SLC8B1: variants seen among roughly 807,000 people sequenced by gnomAD.
SLC8B1 encodes the protein mitochondrial sodium/calcium exchanger protein.
In SLC8B1, 52 loss-of-function variants were observed where a neutral mutation model predicts 63.4. The ratio of observed to expected loss-of-function variants is 0.82; its 90% CI spans 0.66 to 1.03. The LOEUF is 1.03. SLC8B1 is among the 50% of genes least tolerant of loss of function. The pLI, the probability that SLC8B1 is intolerant of heterozygous loss-of-function variation, is 0.00. For missense variants in SLC8B1, 657 were observed against 741.7 expected, an observed-to-expected ratio of 0.89 and a Z score of 1.33; for synonymous variants, 336 against 323.9, an observed-to-expected ratio of 1.04 and a Z score of -0.40.
intron 13 of SLC8B1, among the ~76,000 whole-genome samples, chr12:113,307,303 T>C (rs1410177982): frequency 6.6e-6 from 1 of 151,982 alleles, no homozygotes; most frequent in African/African-American, 2.4e-5. Flanking sequence ...GAGCAGTGCA[T>C]AACCTGGCCA....
At chr12:113,315,306 T>G (rs1188406589) in intron 11 of SLC8B1, 29 bp downstream of exon 11, 1 of 1,490,498 alleles carries the variant, frequency 6.7e-7, no homozygotes, top group African/African-American at 1.4e-5. Flanking sequence ...AGTAGGAAGG[T>G]GGGTTGGCCC....
At chr12:113,323,975 T>A (rs1157907649) in intron 2 of SLC8B1, among the ~76,000 whole-genome samples, 1 of 152,142 alleles carries the variant, frequency 6.6e-6, no homozygotes, top group East Asian at 1.9e-4. Context: ...CCCTCAATCT[T>A]TCTACAGTGT....
chr12:113,321,267 A>G lies in SLC8B1; in HGVS notation c.238T>C (p.Tyr80His). The G allele has an allele frequency of 6.2e-7, 1 of 1,613,976 alleles. No individual in the cohort carries two copies. Among genetic ancestry groups the G allele is most frequent in the South Asian group, 1.1e-5 (1 of 91,060 alleles). ...AAGATGCCTTCCAGGTAGTCCAGGT[A>G]CCCCCCATCACTGTGGCAGTCAGGG... ...TNPDCHSDGGYLDYLEGIFCH... is the reference protein window; with the variant it reads ...TNPDCHSDGGHLDYLEGIFCH... The change falls in exon 3 of 16, where the codon TAC (tyrosine) becomes CAC (histidine). Residue 80 changes from tyrosine to histidine, a missense_variant. Physicochemically the swap from Tyr to His is moderately conservative, Grantham distance 83. Transcript: ENST00000680972.
intron 15 of SLC8B1, among the ~76,000 whole-genome samples, chr12:113,300,955 G>A (rs1415379974): frequency 3.3e-5 from 5 of 152,142 alleles, no homozygotes; most frequent in Non-Finnish European, 7.3e-5. Flanking sequence ...GACCAACATG[G>A]TGAAACCCCG....
At chr12:113,300,850 G>A (rs185150925) in intron 15 of SLC8B1, among the ~76,000 whole-genome samples, 2 of 152,292 alleles carry the variant, frequency 1.3e-5, no homozygotes, top group Admixed American at 6.5e-5. Context: ...ATATGGATGC[G>A]TTAGGCCGGG....
In SLC8B1 at chr12:113,310,254, G is replaced by A; in HGVS notation, c.1237C>T (p.Gln413Ter). The change falls in exon 12 of 16, where the codon CAG becomes TAG. Residue 413 changes from glutamine to a stop codon, truncating the protein, a stop_gained. Transcript: ENST00000680972. LOFTEE classifies it high-confidence loss of function. ...CTTACCCAGTGAAGCCTGGGGGGCT[G>A]GCTGTCAGATGTGGCAAAAAAGGTC... ...SVTFFATSDS[Q>*]PPRLHWLFAF... 6.2e-7 allele frequency: 1 copy of A among 1,613,990 alleles called. No individual in the cohort carries two copies.
intron 11 of SLC8B1, among the ~76,000 whole-genome samples, chr12:113,314,340 A>C (rs1956805278): frequency 6.6e-6 from 1 of 152,166 alleles, no homozygotes; most frequent in Non-Finnish European, 1.5e-5. Context: ...AGCACACAAC[A>C]CCATGCCCAG....
Position 113,313,597 on chromosome 12 carries a change from C to T in SLC8B1, c.1135+1738G>A, listed in dbSNP as rs145388538. Among the ~76,000 whole-genome samples the T allele has an allele frequency of 5.4e-3, 817 of 152,082 alleles. 10 individuals are homozygous for T. Among genetic ancestry groups the T allele is most frequent in the African/African-American group, 0.019 (770 of 41,510 alleles). On this transcript the variant is annotated intron_variant, in intron 11 of 15. Transcript: ENST00000680972. Reference sequence around the variant, plus strand: ...CTCTACTAAAAATATAAAAATTGGCCGGGCATGGTGGCGGGTGCCTGTAGT... The same window carrying T: ...CTCTACTAAAAATATAAAAATTGGCTGGGCATGGTGGCGGGTGCCTGTAGT...
At chr12:113,322,723 G>C (rs1956947365) in intron 2 of SLC8B1, among the ~76,000 whole-genome samples, 1 of 152,068 alleles carries the variant, frequency 6.6e-6, no homozygotes, top group South Asian at 2.1e-4. Flanking sequence ...AAGGCTGCAG[G>C]ATCACTTGAC....
intron 11 of SLC8B1, among the ~76,000 whole-genome samples, chr12:113,311,614 T>C (rs1956761982): frequency 6.6e-6 from 1 of 151,590 alleles, no homozygotes; most frequent in Non-Finnish European, 1.5e-5. Flanking sequence ...GAGTGAGATC[T>C]TGTCTCAAAA....
intron 8 of SLC8B1, among the ~76,000 whole-genome samples, chr12:113,317,848 A>T (rs1956856154): frequency 6.6e-6 from 1 of 151,252 alleles, no homozygotes; most frequent in South Asian, 2.1e-4. Flanking sequence ...GAGTGCATGA[A>T]TTTGTGTATG....
intron 1 of SLC8B1, among the ~76,000 whole-genome samples, chr12:113,334,130 TG>T (rs1239622836): frequency 6.6e-6 from 1 of 152,172 alleles, no homozygotes; most frequent in Non-Finnish European, 1.5e-5. Flanking sequence ...GGGTTAGCAG[TG>T]GGGCCGGGCT....
chr12:113,324,035 G>C lies in SLC8B1; in HGVS notation c.157-2687C>G, dbSNP rs11066536. Among the ~76,000 whole-genome samples, 281 of 152,278 alleles carry C rather than the reference G, an allele frequency of 1.8e-3. 1 individual carries two copies. The highest frequency in any genetic ancestry group is 6.8e-3 in the Middle Eastern group (2 of 294). ...GCTGGGAAGATGAAATCTGTGGCCA[G>C]GTAAACTGGCTCACACCTGTAATCC... On this transcript the variant is annotated intron_variant, in intron 2 of 15. Transcript: ENST00000680972.
intron 2 of SLC8B1, among the ~76,000 whole-genome samples, chr12:113,328,093 C>T (rs1202966728): frequency 2.0e-5 from 3 of 151,756 alleles, no homozygotes; most frequent in Non-Finnish European, 2.9e-5. Flanking sequence ...AGTGCAGTGG[C>T]GTGATCACAG....
Position 113,299,901 on chromosome 12 carries a change from GAGACCAGGGAGA to G in SLC8B1, c.1619_1630del (p.Phe540_Val543del). Reference sequence around the variant, plus strand: ...GAGCTGGAAGCACTGCAATGGGACTGAGACCAGGGAGAAGACGAGGCTGAGCCCCAGGGCGCC... The same window carrying G: ...GAGCTGGAAGCACTGCAATGGGACTGAGACGAGGCTGAGCCCCAGGGCGCC... On this transcript the variant is annotated inframe_deletion, in exon 16 of 16. Transcript: ENST00000680972. 1 of 1,614,232 alleles carries G rather than the reference GAGACCAGGGAGA, an allele frequency of 6.2e-7. No homozygotes were observed. Among genetic ancestry groups the G allele is most frequent in the African/African-American group, 1.3e-5 (1 of 75,076 alleles).
chr12:113,303,130 C>A (rs913170769), intron 15 of SLC8B1, among the ~76,000 whole-genome samples: 1 of 147,978 alleles, frequency 6.8e-6, no homozygotes, highest in Non-Finnish European at 1.5e-5. Flanking sequence ...CACACACACA[C>A]ACACACACAC....
rs772932748 is a variant in SLC8B1, at chr12:113,307,750, A to G, written c.1352T>C (p.Phe451Ser). 3.7e-6 allele frequency: 6 copies of G among 1,613,932 alleles called. No homozygotes were observed. In the East Asian group the frequency reaches 1.3e-4, roughly 36 times the overall value. ...VNILRSLGVV[F>S]RLSNTVLGLT... ...CCCCAGCACAGTGTTGCTCAGCCGGAAGACCACACCCAGGGACCGCAAGAT... is the reference window on the plus strand; with the variant it reads ...CCCCAGCACAGTGTTGCTCAGCCGGGAGACCACACCCAGGGACCGCAAGAT... The change falls in exon 13 of 16, where the codon TTC (phenylalanine) becomes TCC (serine). Residue 451 changes from phenylalanine to serine, a missense_variant. Coordinates refer to ENST00000680972, the MANE Select transcript of SLC8B1 (RefSeq NM_001358345.2).
chr12:113,302,791 T>C, intron 15 of SLC8B1: 1 of 453,458 alleles, frequency 2.2e-6, no homozygotes, highest in Non-Finnish European at 4.4e-6. Flanking sequence ...CTCCTCCCCA[T>C]GGGATGCCAT....
intron 11 of SLC8B1, among the ~76,000 whole-genome samples, chr12:113,314,699 C>A (rs950681860): frequency 2.6e-5 from 4 of 152,188 alleles, no homozygotes; most frequent in African/African-American, 9.7e-5. Flanking sequence ...CTGCTCCAGC[C>A]AGTTTTGCCT....
Sources: allele counts gnomAD v4.1 joint callset (sites outside exome capture counted in the v4.1 genomes callset), GRCh38; gene constraint gnomAD v4.1.1; transcripts MANE v1.5; gene names NCBI Gene and HGNC (gene_info 2026-07-23, HGNC 2026-07-21).